PROSER2: variants seen among roughly 807,000 people sequenced by gnomAD.
PROSER2 encodes proline and serine rich 2.
In PROSER2, 18 loss-of-function variants were observed where a neutral mutation model predicts 14.6. The ratio of observed to expected loss-of-function variants is 1.23; its 90% CI spans 0.85 to 1.83. PROSER2 has a LOEUF of 1.83. PROSER2 is among the 40% of genes most tolerant of loss of function. PROSER2 has a pLI of 0.00. For missense variants in PROSER2, 823 were observed against 629.8 expected (o/e 1.31, Z -3.28); for synonymous variants, 367 against 286.4 (o/e 1.28, Z -2.84).
chr10:11,861,757 G>A (rs1257801377), intron 2 of PROSER2, among the ~76,000 whole-genome samples: 1 of 152,194 alleles, frequency 6.6e-6, no homozygotes, highest in South Asian at 2.1e-4. Flanking sequence ...CCTAAAGCCT[G>A]CACAGCCCAG....
chr10:11,831,602 A>G (rs187512643), intron 1 of PROSER2: 32 of 152,338 alleles, frequency 2.1e-4, no homozygotes, highest in African/African-American at 7.7e-4. Flanking sequence ...TGCATCAGCT[A>G]GAACTGTTCC....
chr10:11,870,215 G>A lies in PROSER2; in HGVS notation c.1117G>A (p.Ala373Thr). Residue 373 changes from alanine (A) to threonine (T), a missense_variant, in exon 4 of 4, where the codon GCC becomes ACC. By Grantham distance (58) the Ala-to-Thr change is moderately conservative. Coordinates refer to ENST00000277570, the MANE Select transcript of PROSER2 (RefSeq NM_153256.4). ...GKSLCFRPGPALPSTRARQSF... is the reference protein window; with the variant it reads ...GKSLCFRPGPTLPSTRARQSF... ...GTCCCTCTGCTTCCGCCCTGGCCCGGCCCTGCCCAGCACGCGGGCCCGTCA... is the reference window on the plus strand; with the variant it reads ...GTCCCTCTGCTTCCGCCCTGGCCCGACCCTGCCCAGCACGCGGGCCCGTCA... The A allele has an allele frequency of 6.7e-7, 1 of 1,490,750 alleles. No homozygotes were observed. The highest frequency in any genetic ancestry group is 8.9e-7 in the Non-Finnish European group (1 of 1,127,640). The allele number at this position is 1,490,750 out of a possible 1,614,324, so 92.3% of individuals were successfully genotyped here.
chr10:11,854,825 T>C (rs2131075071), intron 2 of PROSER2, among the ~76,000 whole-genome samples: 1 of 152,244 alleles, frequency 6.6e-6, no homozygotes, highest in African/African-American at 2.4e-5. Context: ...CAATACAGCG[T>C]CTCTAAACGT....
chr10:11,836,307 C>G lies in PROSER2; in HGVS notation c.-82+12837C>G, dbSNP rs1231622238. 6.6e-6 allele frequency among the ~76,000 whole-genome samples: 1 copy of G among 152,106 alleles called. No homozygotes were observed. The highest frequency in any genetic ancestry group is 1.5e-5 in the Non-Finnish European group (1 of 68,032). On this transcript the variant is annotated intron_variant, in intron 1 of 3. Transcript: ENST00000277570. This position sits in a 1 kb window ranked among gnomAD's most constrained non-coding sequence, Gnocchi z 4.6. ...CACCTTCCAGGTTCAAGCGATTCTC[C>G]CATCTCAGCTTCCCAAGTAGTTGGG... is the stretch of plus-strand genomic sequence containing the variant.
intron 1 of PROSER2, among the ~76,000 whole-genome samples, chr10:11,827,127 C>G (rs1833626448): frequency 6.6e-6 from 1 of 151,186 alleles, no homozygotes; most frequent in South Asian, 2.1e-4. Context: ...TTCAAGCGAT[C>G]TTCCCACATC....
At position 11,866,693 on chromosome 10, in the gene PROSER2, C is replaced by T. The variant is rs376205516; in HGVS notation, c.301C>T (p.Pro101Ser). Reference protein sequence around the residue: ...SPSLEESTSSPSEPEDVIDLV... With the variant: ...SPSLEESTSSSSEPEDVIDLV... ...GTCTCTGGAGGAGAGCACCTCCAGT[C>T]CCTCCGAGCCTGAAGATGTCATCGA... Residue 101 changes from proline to serine, a missense_variant, in exon 3 of 4, where the codon CCC becomes TCC. Transcript: ENST00000277570. The surrounding 1 kb of genome is among the most constrained non-coding windows in gnomAD (Gnocchi z 6.0). 48 of 1,613,988 alleles carry T rather than the reference C, an allele frequency of 3.0e-5. No homozygotes were observed. The highest frequency in any genetic ancestry group is 3.9e-5 in the Non-Finnish European group (46 of 1,180,038).
rs778144146 is a variant in PROSER2 at position 11,830,935 on chromosome 10, A to T, written c.-82+7465A>T. On this transcript the variant is annotated intron_variant, in intron 1 of 3. Coordinates refer to ENST00000277570, the MANE Select transcript of PROSER2 (RefSeq NM_153256.4). The surrounding 1 kb of genome is among the most constrained non-coding windows in gnomAD (Gnocchi z 4.5). ...GCTCCTGCCCAGAGAGGAGGTGGTT[A>T]CTGGCCTCACCTTACTGACATCATC... Among the ~76,000 whole-genome samples, 1 of 152,162 alleles carries T rather than the reference A, an allele frequency of 6.6e-6. No homozygotes were observed. The highest frequency in any genetic ancestry group is 2.4e-5 in the African/African-American group (1 of 41,432).
chr10:11,870,322 C>G lies in PROSER2; in HGVS notation c.1224C>G (p.Thr408=). 1 of 1,502,220 alleles carries G rather than the reference C, an allele frequency of 6.7e-7. No homozygotes were observed. Among genetic ancestry groups the G allele is most frequent in the Non-Finnish European group, 8.8e-7 (1 of 1,130,038 alleles). The allele number at this position is 1,502,220 out of a possible 1,614,324, so 93.1% of individuals were successfully genotyped here. ...ADSLPRPQGI[T]VQFAGRGSSE... ...CCCTGCCCCGGCCCCAGGGCATCAC[C>G]GTGCAGTTCGCGGGCCGCGGCTCCT... The change falls in exon 4 of 4, where the codon ACC becomes ACG. Residue 408 remains threonine, a synonymous_variant. Transcript: ENST00000277570.
intron 2 of PROSER2, among the ~76,000 whole-genome samples, chr10:11,864,710 T>A (rs1016339299): frequency 4.6e-5 from 7 of 151,868 alleles, no homozygotes; most frequent in Non-Finnish European, 8.8e-5. Flanking sequence ...TGCCTCGGCC[T>A]CCTAAGTAGC....
intron 1 of PROSER2, among the ~76,000 whole-genome samples, chr10:11,826,075 G>C (rs1467622207): frequency 6.6e-6 from 1 of 151,986 alleles, no homozygotes; most frequent in Non-Finnish European, 1.5e-5. Flanking sequence ...ATCTCCTTCT[G>C]TCTCGGTAGA....
At chr10:11,867,190 G>A (rs11817577) in intron 3 of PROSER2, among the ~76,000 whole-genome samples, 1,977 of 150,690 alleles carry the variant, frequency 0.013, 30 homozygotes, top group African/African-American at 0.046. Flanking sequence ...GCGTGAACCC[G>A]GGAGGCAGAG....
chr10:11,832,453 T>C (rs1057195783), intron 1 of PROSER2, among the ~76,000 whole-genome samples: 2 of 152,224 alleles, frequency 1.3e-5, no homozygotes, highest in African/African-American at 4.8e-5. Flanking sequence ...ATTTTGTTCA[T>C]GGATTACACG....
At chr10:11,826,172 T>C (rs1833609677) in intron 1 of PROSER2, among the ~76,000 whole-genome samples, 1 of 152,196 alleles carries the variant, frequency 6.6e-6, no homozygotes, top group Non-Finnish European at 1.5e-5. Context: ...ACAATGTTTT[T>C]CAAGGTCCGT....
At chr10:11,845,120 T>C (rs1833904719) in intron 1 of PROSER2, among the ~76,000 whole-genome samples, 1 of 152,132 alleles carries the variant, frequency 6.6e-6, no homozygotes, top group Admixed American at 6.6e-5. Flanking sequence ...ACCTGATTAC[T>C]TTTGCACCAA....
intron 2 of PROSER2, among the ~76,000 whole-genome samples, chr10:11,864,889 T>A (rs1834315698): frequency 6.6e-6 from 1 of 152,158 alleles, no homozygotes; most frequent in South Asian, 2.1e-4. Context: ...GCACCTGGCT[T>A]CTGATTTCTG....
intron 1 of PROSER2, among the ~76,000 whole-genome samples, chr10:11,835,030 C>CA (rs1833741030): frequency 6.6e-6 from 1 of 151,392 alleles, no homozygotes; most frequent in Non-Finnish European, 1.5e-5. Flanking sequence ...TTGTTCAAAC[C>CA]CGGGAGGCAG....
intron 1 of PROSER2, among the ~76,000 whole-genome samples, chr10:11,835,400 G>A (rs1254517873): frequency 2.0e-5 from 3 of 151,956 alleles, no homozygotes; most frequent in African/African-American, 7.3e-5. Flanking sequence ...TGATAACTAG[G>A]GTAAAATCCT....
Position 11,866,740 on chromosome 10 carries a change from C to G in PROSER2, c.348C>G (p.Gly116=), listed in dbSNP as rs149002089. 1.2e-6 allele frequency: 2 copies of G among 1,613,238 alleles called. No homozygotes were observed. Among genetic ancestry groups the G allele is most frequent in the Non-Finnish European group, 1.7e-6 (2 of 1,179,962 alleles). ...TCGACTTAGTGCAGCCAGCACCTGG[C>G]GCCGGGGAAGCCGAGGGCCTTCCAG... ...DVIDLVQPAP[G]AGEAEGLPEG... is the part of the protein sequence containing the mutation. Residue 116 remains glycine, a synonymous_variant, in exon 3 of 4, where the codon GGC becomes GGG. Transcript: ENST00000277570. This position sits in a 1 kb window ranked among gnomAD's most constrained non-coding sequence, Gnocchi z 6.0.
chr10:11,870,777 C>G lies in PROSER2; in HGVS notation c.*371C>G. The G allele has an allele frequency of 5.0e-6, 1 of 198,592 alleles. No homozygotes were observed. Among genetic ancestry groups the G allele is most frequent in the Non-Finnish European group, 1.1e-5 (1 of 89,434 alleles). 12.3% of individuals were successfully genotyped at this position (198,592 alleles called of 1,614,324 possible). A position where few individuals can be genotyped will look rare whatever the true frequency, so the allele number is the denominator to read the frequency against. ...TTATCATTCTTGAGTCTCATCTACC[C>G]TCTTCTCGAAGTACATGACATGAAA... On this transcript the variant is annotated 3_prime_UTR_variant, in exon 4 of 4. Coordinates refer to ENST00000277570, the MANE Select transcript of PROSER2 (RefSeq NM_153256.4).
Sources: allele counts gnomAD v4.1 joint callset (sites outside exome capture counted in the v4.1 genomes callset), GRCh38; gene constraint gnomAD v4.1.1; non-coding constraint Gnocchi (gnomAD v3.1); transcripts MANE v1.5; gene names NCBI Gene and HGNC (gene_info 2026-07-23, HGNC 2026-07-21).